BCO2: variants seen among roughly 807,000 people sequenced by gnomAD.
BCO2 encodes the protein beta-carotene oxygenase 2.
BCO2 carries 56 observed loss-of-function variants against 65.8 expected under a neutral mutation model. The ratio of observed to expected loss-of-function variants is 0.85; its 90% CI spans 0.69 to 1.06. The LOEUF is 1.06. Ranked by LOEUF, BCO2 falls within the 50% of genes least tolerant of loss-of-function variation. The pLI is 0.00. For missense variants in BCO2, 675 were observed against 698.5 expected (o/e 0.97, Z 0.38); for synonymous variants, 233 against 242.3 (o/e 0.96, Z 0.36).
In BCO2 at chr11:112,204,125, A is replaced by T. The variant is rs1415148349; in HGVS notation, c.1194+1935A>T. 1.3e-5 allele frequency among the ~76,000 whole-genome samples: 2 copies of T among 152,172 alleles called. 1 individual carries two copies. The highest frequency in any genetic ancestry group is 2.9e-5 in the Non-Finnish European group (2 of 68,034). ...TGCGTTGGCCTCCCAAAGTGCTGGGATTACAGGCGTGAGCCACAGCGCCCT... is the reference window on the plus strand; with the variant it reads ...TGCGTTGGCCTCCCAAAGTGCTGGGTTTACAGGCGTGAGCCACAGCGCCCT... On this transcript the variant is annotated intron_variant, in intron 8 of 11. Transcript: ENST00000357685.
intron 2 of BCO2, among the ~76,000 whole-genome samples, chr11:112,188,517 C>T (rs1045594136): frequency 4.6e-5 from 7 of 152,126 alleles, no homozygotes; most frequent in African/African-American, 1.4e-4. Flanking sequence ...TGCTGGTGGT[C>T]GTGGGCAGAC....
chr11:112,186,569 C>T (rs1381753379), intron 2 of BCO2, among the ~76,000 whole-genome samples: 3 of 152,220 alleles, frequency 2.0e-5, no homozygotes, highest in Non-Finnish European at 2.9e-5. Context: ...TTGTGAATCT[C>T]TTATCACTCT....
rs560183505 is a variant in BCO2, at chr11:112,183,336, C to T, written c.293+3854C>T. The T allele has an allele frequency of 1.1e-3, 624 of 586,322 alleles. 3 individuals are homozygous for T. The highest frequency in any genetic ancestry group is 1.1e-3 in the South Asian group (52 of 47,004). The allele number at this position is 586,322 out of a possible 1,614,324, so 36.3% of individuals were successfully genotyped here. On this transcript the variant is annotated intron_variant, in intron 2 of 11. Coordinates refer to ENST00000357685, the MANE Select transcript of BCO2 (RefSeq NM_031938.7). The stretch of plus-strand genomic sequence containing the variant: ...TTTAGAGGATTATGCTTGTTCTCAG[C>T]GGTGCATAATGGAAAAAACTGACTT...
chr11:112,193,063 C>T lies in BCO2; in HGVS notation c.294-411C>T, dbSNP rs1275305463. Among the ~76,000 whole-genome samples the T allele has an allele frequency of 2.7e-5, 4 of 149,956 alleles. No individual in the cohort carries two copies. In the South Asian group the frequency reaches 6.4e-4, roughly 24 times the overall value. ...CGCGATCTCGGCTCACTGCAATCTC[C>T]GCCTCCCAGGTTCACGCCATTCTCC... On this transcript the variant is annotated intron_variant, in intron 2 of 11. Coordinates refer to ENST00000357685, the MANE Select transcript of BCO2 (RefSeq NM_031938.7).
intron 9 of BCO2, 143 bp from the exon 10 acceptor site, chr11:112,214,619 G>A (rs923441314): frequency 1.4e-5 from 9 of 626,812 alleles, no homozygotes; most frequent in Middle Eastern, 4.1e-4. Context: ...ATGGAAAGAG[G>A]AACAATATTA....
In BCO2 at chr11:112,200,691, G is replaced by A. The variant is rs149111346; in HGVS notation, c.944G>A (p.Arg315Gln). 1.3e-5 allele frequency: 21 copies of A among 1,613,640 alleles called. No homozygotes were observed. The Admixed American group carries it at 1.5e-4, about 12-fold the overall frequency. The change falls in exon 7 of 12, where the codon CGG becomes CAG. Residue 315 changes from arginine to glutamine, a missense_variant. Coordinates refer to ENST00000357685, the MANE Select transcript of BCO2 (RefSeq NM_031938.7). ...TGGAAAATTGCCACTTCTAAAATTC[G>A]GGGAAAGGCCTTTTCAGATGGGATA... The part of the protein sequence containing the change: ...NLWKIATSKI[R>Q]GKAFSDGISW...
rs78174348 is a variant in BCO2 at position 112,186,515 on chromosome 11, G to C, written c.294-6959G>C. 6.7e-3 allele frequency among the ~76,000 whole-genome samples: 1,025 copies of C among 152,266 alleles called. 16 individuals are homozygous for C. Among genetic ancestry groups the C allele is most frequent in the East Asian group, 0.024 (125 of 5,174 alleles). On this transcript the variant is annotated intron_variant, in intron 2 of 11. Transcript: ENST00000357685. ...AGGGAGAGGCAGTGACCTAGGGAAGGGCAGTGTAACCCTTCACCTATGGAT... is the reference window on the plus strand; with the variant it reads ...AGGGAGAGGCAGTGACCTAGGGAAGCGCAGTGTAACCCTTCACCTATGGAT...
At chr11:112,192,222 G>A (rs1867411370) in intron 2 of BCO2, among the ~76,000 whole-genome samples, 1 of 152,114 alleles carries the variant, frequency 6.6e-6, no homozygotes, top group Non-Finnish European at 1.5e-5. Flanking sequence ...ATCGCATAAT[G>A]TCCTCAATGG....
chr11:112,202,705 T>C (rs1022881512), intron 8 of BCO2, among the ~76,000 whole-genome samples: 3 of 152,176 alleles, frequency 2.0e-5, no homozygotes, highest in Admixed American at 6.5e-5. Flanking sequence ...GCTTATTTAA[T>C]ACCTAATAAG....
At chr11:112,192,782 G>A (rs1437621057) in intron 2 of BCO2, among the ~76,000 whole-genome samples, 2 of 149,120 alleles carry the variant, frequency 1.3e-5, no homozygotes, top group Non-Finnish European at 3.0e-5. Flanking sequence ...TTACAGGTGT[G>A]AGCCACTGTG....
intron 8 of BCO2, among the ~76,000 whole-genome samples, chr11:112,202,591 C>T (rs1276438978): frequency 6.6e-6 from 1 of 152,122 alleles, no homozygotes; most frequent in South Asian, 2.1e-4. Flanking sequence ...CTAGGAATTA[C>T]GTGTTTCTCT....
intron 2 of BCO2, 138 bp downstream of exon 2, chr11:112,179,620 T>A: frequency 1.3e-6 from 1 of 794,534 alleles, no homozygotes; most frequent in Non-Finnish European, 2.0e-6. Context: ...AACTGTAGCC[T>A]AGAGGAGAAG....
intron 8 of BCO2, 110 bp from the exon 9 acceptor site, chr11:112,213,614 C>A (rs1309904962): frequency 8.6e-7 from 1 of 1,157,180 alleles, no homozygotes; most frequent in East Asian, 2.4e-5. Context: ...TGGAAATTAT[C>A]ATTTATTTAA....
chr11:112,217,234 T>C (rs1859705078), intron 11 of BCO2, among the ~76,000 whole-genome samples: 1 of 152,264 alleles, frequency 6.6e-6, no homozygotes, highest in Non-Finnish European at 1.5e-5. Flanking sequence ...TTAGCCATGA[T>C]ATCCTTTCCA....
intron 6 of BCO2, 187 bp from the exon 7 acceptor site, chr11:112,200,426 C>CT (rs1867695746): frequency 9.7e-6 from 5 of 516,292 alleles, no homozygotes; most frequent in Admixed American, 3.9e-5. Flanking sequence ...AAGCAGTTCC[C>CT]TTTTTTATAA....
chr11:112,193,571 T>C lies in BCO2; in HGVS notation c.391T>C (p.Tyr131His), dbSNP rs1867467864. The C allele has an allele frequency of 1.1e-5, 18 of 1,614,150 alleles. No individual in the cohort carries two copies. The East Asian group carries it at 3.8e-4, about 34-fold the overall frequency. ...YRSKFLQSDT[Y>H]KANSAKNRIV... ...GAGCAAGTTTCTACAGAGTGATACA[T>C]ATAAGGCCAACAGTGCTAAAAACCG... is the stretch of plus-strand genomic sequence containing the variant. Residue 131 changes from tyrosine to histidine, a missense_variant, in exon 3 of 12, where the codon TAT becomes CAT. Coordinates refer to ENST00000357685, the MANE Select transcript of BCO2 (RefSeq NM_031938.7).
At chr11:112,181,992 A>T in intron 2 of BCO2, 1 of 451,644 alleles carries the variant, frequency 2.2e-6, no homozygotes, top group Non-Finnish European at 4.0e-6. Context: ...CAAAGAACTT[A>T]AACAAATTTA....
intron 2 of BCO2, among the ~76,000 whole-genome samples, chr11:112,189,199 T>C (rs977131551): frequency 6.6e-6 from 1 of 151,950 alleles, no homozygotes; most frequent in East Asian, 1.9e-4. Flanking sequence ...ATTACCAAAA[T>C]TGATGGAGGC....
At chr11:112,184,585 T>G (rs976614010) in intron 2 of BCO2, among the ~76,000 whole-genome samples, 12 of 152,150 alleles carry the variant, frequency 7.9e-5, no homozygotes, top group Non-Finnish European at 1.3e-4. Context: ...CACATTTGAT[T>G]ACGGCCACCA....
Sources: allele counts gnomAD v4.1 joint callset (sites outside exome capture counted in the v4.1 genomes callset), GRCh38; gene constraint gnomAD v4.1.1; transcripts MANE v1.5; gene names NCBI Gene and HGNC (gene_info 2026-07-23, HGNC 2026-07-21).